Variants in AP2B1 observed in about 807,000 individuals in gnomAD.
AP2B1 encodes adaptor related protein complex 2 subunit beta 1.
A neutral mutation model predicts 102.0 loss-of-function variants in AP2B1; 23 were observed. The ratio of observed to expected loss-of-function variants is 0.23; its 90% CI spans 0.16 to 0.32. AP2B1 has a LOEUF of 0.32. Among genes scored for constraint, AP2B1 ranks in the 10% least tolerant of loss-of-function variants. AP2B1 has a pLI of 1.00. For missense variants in AP2B1, 541 were observed against 1,157.4 expected (o/e 0.47, Z 7.73); for synonymous variants, 381 against 421.2 (o/e 0.90, Z 1.17).
chr17:35,714,381 A>G (rs1333588550), intron 20 of AP2B1, among the ~76,000 whole-genome samples: 1 of 152,214 alleles, frequency 6.6e-6, no homozygotes, highest in Admixed American at 6.5e-5. Context: ...AAATTCCCCC[A>G]TTCCCACTCT....
chr17:35,600,745 T>C (rs932412596), intron 3 of AP2B1, among the ~76,000 whole-genome samples: 1 of 152,258 alleles, frequency 6.6e-6, no homozygotes, highest in Non-Finnish European at 1.5e-5. Flanking sequence ...TTCTCAGTTT[T>C]AATTCCTGAC....
At chr17:35,639,243 G>A (rs2074698863) in intron 10 of AP2B1, among the ~76,000 whole-genome samples, 2 of 152,140 alleles carry the variant, frequency 1.3e-5, no homozygotes, top group African/African-American at 2.4e-5. Context: ...TGAGGAGGGA[G>A]GATCGCTTGA....
intron 13 of AP2B1, among the ~76,000 whole-genome samples, chr17:35,652,960 T>G (rs910244941): frequency 1.3e-5 from 2 of 152,228 alleles, no homozygotes; most frequent in Non-Finnish European, 2.9e-5. Flanking sequence ...TTTTACTTCT[T>G]TCTTAAAGCC....
At chr17:35,650,172 ACTC>A (rs1273988752) in intron 12 of AP2B1, among the ~76,000 whole-genome samples, 1 of 150,880 alleles carries the variant, frequency 6.6e-6, no homozygotes, top group African/African-American at 2.4e-5. Flanking sequence ...CTGGTCTCAA[ACTC>A]CTGATCTCAA....
intron 18 of AP2B1, among the ~76,000 whole-genome samples, chr17:35,704,895 G>A (rs1451910800): frequency 6.6e-6 from 1 of 152,096 alleles, no homozygotes; most frequent in Non-Finnish European, 1.5e-5. Flanking sequence ...GGTGGACGTG[G>A]TGGCACACGC....
intron 18 of AP2B1, among the ~76,000 whole-genome samples, chr17:35,683,769 G>A (rs587636886): frequency 4.5e-4 from 68 of 152,280 alleles, no homozygotes; most frequent in South Asian, 2.1e-3. Flanking sequence ...ATGTTCACAA[G>A]AACAGGAAGA....
At chr17:35,603,679 A>G (rs2142370087) in intron 3 of AP2B1, among the ~76,000 whole-genome samples, 1 of 152,340 alleles carries the variant, frequency 6.6e-6, no homozygotes, top group Middle Eastern at 3.4e-3. Context: ...AAAGTATGGA[A>G]AATACCAGGT....
intron 3 of AP2B1, among the ~76,000 whole-genome samples, chr17:35,605,082 T>C (rs1010962368): frequency 1.3e-5 from 2 of 152,010 alleles, no homozygotes; most frequent in African/African-American, 4.8e-5. Context: ...TTAAAACAAA[T>C]TTTTGTAGAG....
intron 21 of AP2B1, among the ~76,000 whole-genome samples, 183 bp from the exon 22 acceptor site, chr17:35,723,442 A>G (rs2085460769): frequency 6.6e-6 from 1 of 152,262 alleles, no homozygotes; most frequent in African/African-American, 2.4e-5. Flanking sequence ...ACAACTTGAT[A>G]TTGATTAAAT....
chr17:35,638,071 C>G (rs2074661378), intron 10 of AP2B1, among the ~76,000 whole-genome samples: 1 of 152,160 alleles, frequency 6.6e-6, no homozygotes, highest in Admixed American at 6.6e-5. Context: ...TACTCCTGGG[C>G]TTAAGTGATC....
intron 5 of AP2B1, among the ~76,000 whole-genome samples, chr17:35,620,294 A>G (rs1263539603): frequency 6.6e-6 from 1 of 151,952 alleles, no homozygotes; most frequent in Non-Finnish European, 1.5e-5. Flanking sequence ...CAGCCTGGAC[A>G]ACATAGTGAG....
chr17:35,636,608 C>T (rs2074614089), intron 10 of AP2B1, 152 bp downstream of exon 10: 2 of 589,710 alleles, frequency 3.4e-6, no homozygotes, highest in East Asian at 3.0e-5. Flanking sequence ...ATGGTTAGCA[C>T]AGGGATTAAA....
Position 35,724,901 on chromosome 17 carries a change from C to G in AP2B1, c.*1202C>G, listed in dbSNP as rs587722757. On this transcript the variant is annotated 3_prime_UTR_variant, in exon 22 of 22. Transcript: ENST00000610402. Reference sequence around the variant, plus strand: ...GCAGCTGAATATCTTTTGAATTACTCGAAGGTAAAGCCAGATGCCAGAATG... The same window carrying G: ...GCAGCTGAATATCTTTTGAATTACTGGAAGGTAAAGCCAGATGCCAGAATG... 6.6e-6 allele frequency: 1 copy of G among 152,274 alleles called. No individual in the cohort carries two copies. The highest frequency in any genetic ancestry group is 2.1e-4 in the South Asian group (1 of 4,818). The allele number at this position is 152,274 out of a possible 1,614,324, so 9.4% of individuals were successfully genotyped here.
intron 20 of AP2B1, among the ~76,000 whole-genome samples, chr17:35,712,127 T>G (rs71381469): frequency 0.073 from 11,130 of 152,238 alleles, 470 homozygotes; most frequent in Middle Eastern, 0.11. Context: ...CAGTAATAAT[T>G]GATTTTTTTC....
chr17:35,590,956 C>G (rs1405847612), intron 1 of AP2B1, among the ~76,000 whole-genome samples: 4 of 152,056 alleles, frequency 2.6e-5, no homozygotes, highest in Non-Finnish European at 5.9e-5. Context: ...GGATGGATAA[C>G]TTGATGTCAG....
At chr17:35,640,237 T>TATTTA (rs200117034) in intron 11 of AP2B1, among the ~76,000 whole-genome samples, 17 of 144,404 alleles carry the variant, frequency 1.2e-4, no homozygotes, top group Non-Finnish European at 1.5e-4. Flanking sequence ...ATTTTTTTTT[T>TATTTA]TTTTTTTTTT....
intron 14 of AP2B1, among the ~76,000 whole-genome samples, chr17:35,659,292 T>C (rs2075305995): frequency 6.6e-6 from 1 of 152,200 alleles, no homozygotes; most frequent in Non-Finnish European, 1.5e-5. Context: ...GTGGACTCAT[T>C]GAACCTAAAA....
At chr17:35,686,492 C>T (rs2075933700) in intron 18 of AP2B1, among the ~76,000 whole-genome samples, 1 of 152,032 alleles carries the variant, frequency 6.6e-6, no homozygotes, top group African/African-American at 2.4e-5. Context: ...TATGATTTAA[C>T]GTGTTCATCT....
intron 18 of AP2B1, among the ~76,000 whole-genome samples, chr17:35,686,052 C>T (rs1008412090): frequency 1.3e-5 from 2 of 152,192 alleles, no homozygotes; most frequent in African/African-American, 4.8e-5. Flanking sequence ...CGTGAGCTGC[C>T]ATGCCCTGCC....
Sources: allele counts gnomAD v4.1 joint callset (sites outside exome capture counted in the v4.1 genomes callset), GRCh38; gene constraint gnomAD v4.1.1; transcripts MANE v1.5; gene names NCBI Gene and HGNC (gene_info 2026-07-23, HGNC 2026-07-21).